DGKI: variants seen among roughly 807,000 people sequenced by gnomAD.
DGKI encodes diacylglycerol kinase iota, also known as DAG kinase iota.
A neutral mutation model predicts 147.5 loss-of-function variants in DGKI; 55 were observed. The observed-to-expected ratio is 0.37, with a 90% CI of 0.30 to 0.47. DGKI has a LOEUF of 0.47. Among genes scored for constraint, DGKI ranks in the 20% least tolerant of loss-of-function variants. DGKI has a pLI of 1.00. For missense variants in DGKI, 1,007 were observed against 1,323.8 expected, an observed-to-expected ratio of 0.76 and a Z score of 3.71; for synonymous variants, 469 against 477.1, an observed-to-expected ratio of 0.98 and a Z score of 0.22.
chr7:137,398,944 C>T (rs1345273742), intron 30 of DGKI, among the ~76,000 whole-genome samples: 1 of 151,902 alleles, frequency 6.6e-6, no homozygotes, highest in Admixed American at 6.6e-5. Context: ...TATTTAAACA[C>T]TGGAGCTCAC....
chr7:137,637,238 C>T (rs1044782950), intron 6 of DGKI, among the ~76,000 whole-genome samples: 1 of 152,212 alleles, frequency 6.6e-6, no homozygotes, highest in Non-Finnish European at 1.5e-5. Context: ...TCTGAGATCA[C>T]TCAATAAACT....
intron 5 of DGKI, among the ~76,000 whole-genome samples, chr7:137,650,080 T>A: frequency 6.6e-6 from 1 of 152,124 alleles, no homozygotes; most frequent in East Asian, 1.9e-4. Flanking sequence ...TCTGAATTAG[T>A]AGTAGTAAGA....
chr7:137,573,875 A>G (rs1818877472), intron 17 of DGKI, among the ~76,000 whole-genome samples: 1 of 152,214 alleles, frequency 6.6e-6, no homozygotes. Context: ...AAAGTCTTTC[A>G]TGTTCCTTTC....
intron 1 of DGKI, among the ~76,000 whole-genome samples, chr7:137,760,200 T>C (rs1030924345): frequency 6.6e-6 from 1 of 152,104 alleles, no homozygotes; most frequent in Non-Finnish European, 1.5e-5. Flanking sequence ...TTGGTGACTA[T>C]GGTGATTTCT....
At chr7:137,486,351 A>G (rs1215985793) in intron 22 of DGKI, among the ~76,000 whole-genome samples, 1 of 152,108 alleles carries the variant, frequency 6.6e-6, no homozygotes, top group African/African-American at 2.4e-5. Flanking sequence ...ACATGTGTTA[A>G]TTTTAAAAAA....
chr7:137,429,832 T>G, intron 28 of DGKI, among the ~76,000 whole-genome samples: 1 of 126,468 alleles, frequency 7.9e-6, no homozygotes, highest in Non-Finnish European at 1.6e-5. Flanking sequence ...ATCAGAGAAA[T>G]GCAAATCAAA....
chr7:137,761,156 C>G (rs984857493), intron 1 of DGKI, among the ~76,000 whole-genome samples: 1 of 152,176 alleles, frequency 6.6e-6, no homozygotes, highest in Non-Finnish European at 1.5e-5. Context: ...AGCCACTGCA[C>G]GGTGGTTTGC....
chr7:137,530,309 T>C (rs1222512646), intron 20 of DGKI, among the ~76,000 whole-genome samples: 1 of 152,188 alleles, frequency 6.6e-6, no homozygotes, highest in Non-Finnish European at 1.5e-5. Context: ...GCCAACTAAG[T>C]TACCAGAAGC....
At chr7:137,742,096 A>T (rs1037584976) in intron 1 of DGKI, among the ~76,000 whole-genome samples, 7 of 152,200 alleles carry the variant, frequency 4.6e-5, no homozygotes, top group Non-Finnish European at 8.8e-5. Context: ...TCCCATAAAC[A>T]GTTCCTGGGT....
At position 137,385,880 on chromosome 7, in the gene DGKI, A is replaced by T. The variant is rs998364266; in HGVS notation, c.*5340T>A. On this transcript the variant is annotated 3_prime_UTR_variant, in exon 33 of 33. Transcript: ENST00000614521. ...GGTTCTCCTGCACTGCACTTATCAC[A>T]TTGGAATTTGTCTTTTCTTCTAGAT... 6.6e-6 allele frequency: 1 copy of T among 152,180 alleles called. No individual in the cohort carries two copies. The highest frequency in any genetic ancestry group is 6.6e-5 in the Admixed American group (1 of 15,266). 9.4% of individuals were successfully genotyped at this position (152,180 alleles called of 1,614,324 possible).
intron 23 of DGKI, among the ~76,000 whole-genome samples, chr7:137,469,889 T>G (rs1682420053): frequency 6.6e-6 from 1 of 152,228 alleles, no homozygotes; most frequent in South Asian, 2.1e-4. Context: ...TAATCTAATT[T>G]AGGACATTTA....
At chr7:137,673,052 G>A (rs1017200654) in intron 3 of DGKI, among the ~76,000 whole-genome samples, 1 of 151,982 alleles carries the variant, frequency 6.6e-6, no homozygotes, top group Non-Finnish European at 1.5e-5. Context: ...AAAGTGCTGG[G>A]ATTACAGGCA....
intron 1 of DGKI, among the ~76,000 whole-genome samples, chr7:137,726,156 G>A (rs910840193): frequency 1.3e-5 from 2 of 152,060 alleles, no homozygotes; most frequent in South Asian, 4.1e-4. Flanking sequence ...TCAGGCAATG[G>A]TCCTTTTCTC....
chr7:137,713,788 T>C lies in DGKI; in HGVS notation c.402-23786A>G, dbSNP rs1585399893. The stretch of plus-strand genomic sequence containing the variant: ...CCTCAAGTAGCTAGGACTACAGGCA[T>C]ACATCACCATCTCTGACTTATCTAT... On this transcript the variant is annotated intron_variant, in intron 1 of 32. Transcript: ENST00000614521. 2.0e-5 allele frequency among the ~76,000 whole-genome samples: 3 copies of C among 152,212 alleles called. No individual in the cohort carries two copies. The South Asian group carries it at 6.2e-4, about 32-fold the overall frequency.
intron 1 of DGKI, chr7:137,722,721 G>A: frequency 6.3e-7 from 1 of 1,583,324 alleles, no homozygotes; most frequent in Non-Finnish European, 8.7e-7. Flanking sequence ...TTACGGAGCA[G>A]TGCAAGATTG....
chr7:137,593,644 T>A (rs1819691540), intron 12 of DGKI, among the ~76,000 whole-genome samples: 1 of 152,240 alleles, frequency 6.6e-6, no homozygotes, highest in Non-Finnish European at 1.5e-5. Context: ...TTGGATGTGC[T>A]GTAAGTATAA....
chr7:137,467,002 T>C, intron 24 of DGKI, 60 bp from the exon 25 acceptor site: 1 of 1,532,834 alleles, frequency 6.5e-7, no homozygotes. Flanking sequence ...ACCAAATTTA[T>C]AACCTTCTCT....
intron 5 of DGKI, among the ~76,000 whole-genome samples, chr7:137,646,344 A>G (rs185248656): frequency 1.8e-4 from 27 of 152,364 alleles, no homozygotes; most frequent in African/African-American, 6.0e-4. Context: ...CAAGCATATC[A>G]ATGATGTTTT....
At chr7:137,757,239 C>G (rs905390502) in intron 1 of DGKI, among the ~76,000 whole-genome samples, 1 of 152,296 alleles carries the variant, frequency 6.6e-6, no homozygotes, top group Non-Finnish European at 1.5e-5. Context: ...TCCCCAGAGT[C>G]AGCAATACCA....
Sources: allele counts gnomAD v4.1 joint callset (sites outside exome capture counted in the v4.1 genomes callset), GRCh38; gene constraint gnomAD v4.1.1; transcripts MANE v1.5; gene names NCBI Gene and HGNC (gene_info 2026-07-23, HGNC 2026-07-21).